BBS12: variants seen among roughly 807,000 people sequenced by gnomAD.
BBS12 encodes chaperonin-containing T-complex member BBS12.
BBS12 carries 5 observed loss-of-function variants against 5.6 expected under a neutral mutation model. The ratio of observed to expected loss-of-function variants is 0.89; its 90% CI spans 0.46 to 1.86. The LOEUF is 1.86. BBS12 is among the 40% of genes most tolerant of loss of function. The pLI is 0.01. For synonymous variants in BBS12, 308 were observed against 306.8 expected (o/e 1.00, Z -0.04); for missense variants, 748 against 830.4 (o/e 0.90, Z 1.22).
the BBS12 span, among the ~76,000 whole-genome samples, chr4:122,718,833 T>C: frequency 6.6e-6 from 1 of 152,176 alleles, no homozygotes; most frequent in African/African-American, 2.4e-5. Context: ...TCTTTGTTTG[T>C]TTTGAGAGGG....
the BBS12 span, among the ~76,000 whole-genome samples, chr4:122,701,912 G>T: frequency 1.3e-5 from 2 of 152,128 alleles, no homozygotes; most frequent in African/African-American, 2.4e-5. Context: ...CAAGCAGCAT[G>T]ATTGCTCCTG....
rs1350958333 is a variant in BBS12, at chr4:122,742,405, G to A, written c.513G>A (p.Glu171=). 5 of 1,614,050 alleles carry A rather than the reference G, an allele frequency of 3.1e-6. No individual in the cohort carries two copies. Among genetic ancestry groups the A allele is most frequent in the Non-Finnish European group, 4.2e-6 (5 of 1,180,034 alleles). ...TCCCTTCAGATACTGATTTGATAGA[G>A]GAATTGCATGGTCTCAAAGATGTTG... ...LQVPSDTDLI[E]ELHGLKDVAS... is the part of the protein sequence containing the mutation. Residue 171 remains glutamate (E), a synonymous_variant, in exon 2 of 2, where the codon GAG becomes GAA. Coordinates refer to ENST00000314218, the MANE Select transcript of BBS12 (RefSeq NM_152618.3).
chr4:122,743,132 G>A lies in BBS12; in HGVS notation c.1240G>A (p.Val414Ile), dbSNP rs1258064816. The A allele has an allele frequency of 6.2e-7, 1 of 1,614,234 alleles. No individual in the cohort carries two copies. The highest frequency in any genetic ancestry group is 1.1e-5 in the South Asian group (1 of 91,084). Residue 414 changes from valine (V) to isoleucine (I), a missense_variant, in exon 2 of 2, where the codon GTA becomes ATA. Coordinates refer to ENST00000314218, the MANE Select transcript of BBS12 (RefSeq NM_152618.3). The stretch of plus-strand genomic sequence containing the variant: ...CCAGTTCAAGGTGAACCTTGTCCTG[G>A]TACAAGGAAATGTGTCCGAACGCTT... ...LIQFKVNLVL[V>I]QGNVSERLIE...
chr4:122,713,914 T>C, the BBS12 span, among the ~76,000 whole-genome samples: 37 of 152,330 alleles, frequency 2.4e-4, no homozygotes, highest in East Asian at 7.1e-3. Context: ...CTGGTGGGTA[T>C]GTAAATTTTA....
chr4:122,738,673 T>C (rs1315697444), intron 1 of BBS12, among the ~76,000 whole-genome samples: 1 of 152,184 alleles, frequency 6.6e-6, no homozygotes, highest in Non-Finnish European at 1.5e-5. Context: ...AAAAAAAGAC[T>C]AACTGCTCTA....
chr4:122,706,586 T>A, the BBS12 span, among the ~76,000 whole-genome samples: 1 of 152,032 alleles, frequency 6.6e-6, no homozygotes, highest in African/African-American at 2.4e-5. Flanking sequence ...GAAAAAAAAA[T>A]TCCTAAGACT....
chr4:122,731,433 A>G (rs1380533624), upstream of BBS12: 2 of 152,138 alleles, frequency 1.3e-5, no homozygotes, highest in Non-Finnish European at 2.9e-5. Context: ...TGCTCTTCCT[A>G]TCTCCCATCC....
At chr4:122,723,500 T>C in the BBS12 span, among the ~76,000 whole-genome samples, 2 of 152,230 alleles carry the variant, frequency 1.3e-5, no homozygotes, top group African/African-American at 2.4e-5. Context: ...CCATCCAATA[T>C]GAATTTTTAT....
chr4:122,705,027 G>A, the BBS12 span, among the ~76,000 whole-genome samples: 1 of 152,178 alleles, frequency 6.6e-6, no homozygotes, highest in East Asian at 1.9e-4. Context: ...ATGAGCTTAG[G>A]CCTTAAGATG....
chr4:122,722,071 ATCT>A, the BBS12 span, among the ~76,000 whole-genome samples: 151 of 152,290 alleles, frequency 9.9e-4, no homozygotes, highest in African/African-American at 3.5e-3. Flanking sequence ...TACCTTTCAT[ATCT>A]AAATCCACAA....
intron 1 of BBS12, among the ~76,000 whole-genome samples, chr4:122,735,652 G>A (rs1282959951): frequency 6.6e-6 from 1 of 152,048 alleles, no homozygotes; most frequent in African/African-American, 2.4e-5. Context: ...ACTTAAATTT[G>A]GGGGAACAAA....
At chr4:122,729,518 T>G (rs930314392), upstream of BBS12, 1 of 152,232 alleles carries the variant, frequency 6.6e-6, no homozygotes, top group Non-Finnish European at 1.5e-5. Context: ...AACTTAAGAT[T>G]TGGAATCCAT....
the BBS12 span, among the ~76,000 whole-genome samples, chr4:122,725,985 G>A: frequency 4.6e-5 from 7 of 151,344 alleles, no homozygotes; most frequent in African/African-American, 1.7e-4. Context: ...AGACGACATC[G>A]GAAATACCCT....
chr4:122,744,046 GA>G lies in BBS12; in HGVS notation c.*25del, dbSNP rs1448837576. On this transcript the variant is annotated 3_prime_UTR_variant, in exon 2 of 2. Coordinates refer to ENST00000314218, the MANE Select transcript of BBS12 (RefSeq NM_152618.3). ...TGTAGTGTTACTGGCTAAGTCTTTG[GA>G]AAATAATTTTTCATAATATGTCATG... is the stretch of plus-strand genomic sequence containing the variant. 6.3e-7 allele frequency: 1 copy of G among 1,598,724 alleles called. No individual in the cohort carries two copies. Among genetic ancestry groups the G allele is most frequent in the Non-Finnish European group, 8.6e-7 (1 of 1,166,400 alleles).
At chr4:122,710,239 CA>C in the BBS12 span, among the ~76,000 whole-genome samples, 6 of 151,988 alleles carry the variant, frequency 3.9e-5, no homozygotes, top group East Asian at 3.9e-4. Context: ...GTAGGTTATC[CA>C]AAAAAATCTT....
intron 1 of BBS12, among the ~76,000 whole-genome samples, chr4:122,741,477 G>A (rs1037916599): frequency 1.3e-4 from 20 of 152,112 alleles, no homozygotes; most frequent in Admixed American, 7.9e-4. Flanking sequence ...GAGCCACTGC[G>A]CCCAGCCGCT....
In BBS12 at chr4:122,742,758, C is replaced by A; in HGVS notation, c.866C>A (p.Ala289Glu). The A allele has an allele frequency of 1.2e-6, 2 of 1,614,206 alleles. No individual in the cohort carries two copies. The highest frequency in any genetic ancestry group is 1.7e-6 in the Non-Finnish European group (2 of 1,180,022). ...DHSSMKLVEE[A>E]VQLQYQNACV... is the part of the protein sequence containing the mutation. ...AGCAGCATGAAGTTAGTAGAAGAAGCAGTACAGCTGCAATATCAGAATGCT... is the reference window on the plus strand; with the variant it reads ...AGCAGCATGAAGTTAGTAGAAGAAGAAGTACAGCTGCAATATCAGAATGCT... Residue 289 changes from alanine to glutamate, a missense_variant, in exon 2 of 2, where the codon GCA (alanine) becomes GAA (glutamate). Physicochemically the swap from Ala to Glu is moderately radical, Grantham distance 107 (BLOSUM62 -1). Transcript: ENST00000314218.
chr4:122,703,028 C>T, the BBS12 span, among the ~76,000 whole-genome samples: 5 of 152,262 alleles, frequency 3.3e-5, no homozygotes, highest in African/African-American at 1.2e-4. Context: ...TATACCATCC[C>T]AATAAAAGCA....
At chr4:122,709,310 C>T in the BBS12 span, among the ~76,000 whole-genome samples, 1 of 152,072 alleles carries the variant, frequency 6.6e-6, no homozygotes, top group East Asian at 1.9e-4. Context: ...GCAGAGTTTA[C>T]TCAGTGTTTC....
Sources: gnomAD v4.1 joint callset for allele counts (sites outside exome capture counted in the v4.1 genomes callset) on GRCh38, gnomAD v4.1.1 for gene constraint, MANE v1.5 for transcripts, NCBI Gene and HGNC (gene_info 2026-07-23, HGNC 2026-07-21) for gene names.